The following FHIT variants were observed in gnomAD, a reference collection of about 807,000 sequenced individuals.
FHIT encodes bis(5'-adenosyl)-triphosphatase.
A neutral mutation model predicts 17.9 loss-of-function variants in FHIT; 19 were observed. The observed-to-expected ratio is 1.06, with a 90% CI of 0.74 to 1.56. The LOEUF (loss-of-function observed/expected upper bound fraction) is 1.56, where lower values mean the gene tolerates loss of function less well. FHIT is among the 40% of genes most tolerant of loss of function. FHIT has a pLI of 0.00. For missense variants in FHIT, 248 were observed against 189.2 expected, an observed-to-expected ratio of 1.31 and a Z score of -1.82; for synonymous variants, 81 against 69.7, an observed-to-expected ratio of 1.16 and a Z score of -0.81.
chr3:60,496,934 G>A (rs1181731889), intron 5 of FHIT, among the ~76,000 whole-genome samples: 1 of 151,676 alleles, frequency 6.6e-6, no homozygotes, highest in East Asian at 1.9e-4. Context: ...CCTTTTTAGG[G>A]ATACAGATGC....
At chr3:61,047,021 C>T (rs1366692213) in intron 2 of FHIT, among the ~76,000 whole-genome samples, 2 of 152,142 alleles carry the variant, frequency 1.3e-5, no homozygotes, top group African/African-American at 2.4e-5. Flanking sequence ...TTATGACAAA[C>T]CCACAGCCAA....
intron 4 of FHIT, among the ~76,000 whole-genome samples, chr3:60,759,848 T>C (rs2108050403): frequency 6.6e-6 from 1 of 152,310 alleles, no homozygotes; most frequent in South Asian, 2.1e-4. Flanking sequence ...TCTGATGTTC[T>C]TTGCTGTAAA....
chr3:60,216,775 T>C (rs1290069229), intron 5 of FHIT, among the ~76,000 whole-genome samples: 1 of 152,250 alleles, frequency 6.6e-6, no homozygotes, highest in East Asian at 1.9e-4. Context: ...TTTCCAGACA[T>C]GTTCCAGTGT....
chr3:60,655,860 T>G (rs376227153), intron 4 of FHIT, among the ~76,000 whole-genome samples: 1 of 152,244 alleles, frequency 6.6e-6, no homozygotes, highest in Admixed American at 6.5e-5. Context: ...TTTCCCAGAA[T>G]GTATTTTGGA....
At chr3:61,230,885 C>A (rs545324265) in intron 1 of FHIT, among the ~76,000 whole-genome samples, 2 of 152,220 alleles carry the variant, frequency 1.3e-5, no homozygotes, top group East Asian at 3.9e-4. Flanking sequence ...TTGATTCCTA[C>A]ACTAATATTC....
chr3:60,279,111 A>T (rs1707305923), intron 5 of FHIT, among the ~76,000 whole-genome samples: 1 of 152,148 alleles, frequency 6.6e-6, no homozygotes, highest in Non-Finnish European at 1.5e-5. Context: ...AATTATTTTC[A>T]AAAGATCAAT....
intron 8 of FHIT, among the ~76,000 whole-genome samples, chr3:59,921,473 T>G (rs368785864): frequency 1.3e-5 from 2 of 152,216 alleles, no homozygotes; most frequent in Admixed American, 6.5e-5. Flanking sequence ...ATATGATACC[T>G]ACCTCCTATC....
chr3:60,510,224 G>C (rs1047256140), intron 5 of FHIT, among the ~76,000 whole-genome samples: 1 of 152,176 alleles, frequency 6.6e-6, no homozygotes, highest in African/African-American at 2.4e-5. Context: ...AACTAGAACA[G>C]CACTGAAAAC....
intron 5 of FHIT, among the ~76,000 whole-genome samples, chr3:60,322,485 G>A (rs1237235152): frequency 6.6e-6 from 1 of 152,072 alleles, no homozygotes; most frequent in East Asian, 1.9e-4. Context: ...TAATCCTTTT[G>A]CTTTATTAAC....
chr3:60,215,517 C>T (rs573367926), intron 5 of FHIT, among the ~76,000 whole-genome samples: 11 of 151,990 alleles, frequency 7.2e-5, no homozygotes, highest in Admixed American at 6.6e-4. Context: ...GAGCCAAGAT[C>T]GCGCCACTGC....
chr3:60,547,476 T>C (rs183031211), intron 4 of FHIT, among the ~76,000 whole-genome samples: 5 of 152,340 alleles, frequency 3.3e-5, no homozygotes, highest in African/African-American at 1.2e-4. Flanking sequence ...CTCACATTTC[T>C]AGCCGATTAC....
rs958394144 is a variant in FHIT, at chr3:60,139,290, T to G, written c.104-125138A>C. Among the ~76,000 whole-genome samples, 7 of 152,178 alleles carry G rather than the reference T, an allele frequency of 4.6e-5. No individual in the cohort carries two copies. In the East Asian group the frequency reaches 1.3e-3, roughly 29 times the overall value. On this transcript the variant is annotated intron_variant, in intron 5 of 9. Coordinates refer to ENST00000492590, the MANE Select transcript of FHIT (RefSeq NM_002012.4). ...TCAGATTTGCCATCCCATAGCTGAT[T>G]CCTAATTAAAGGGAGTGAGAACCAA...
At chr3:61,202,455 C>A (rs1316422754) in intron 1 of FHIT, among the ~76,000 whole-genome samples, 1 of 119,806 alleles carries the variant, frequency 8.3e-6, no homozygotes, top group Non-Finnish European at 1.8e-5. Flanking sequence ...TGTGTGTGAT[C>A]TTTTCTGTTC....
At chr3:60,302,259 C>A (rs1481398392) in intron 5 of FHIT, among the ~76,000 whole-genome samples, 2 of 152,020 alleles carry the variant, frequency 1.3e-5, no homozygotes, top group Admixed American at 6.6e-5. Context: ...GCAAGAAATG[C>A]AGCTTCTGAC....
chr3:60,059,781 C>A (rs187391837), intron 5 of FHIT, among the ~76,000 whole-genome samples: 10 of 152,160 alleles, frequency 6.6e-5, no homozygotes, highest in African/African-American at 2.2e-4. Flanking sequence ...GAGCTCCCCC[C>A]ATTCTTGTTG....
intron 8 of FHIT, among the ~76,000 whole-genome samples, chr3:59,764,909 C>T (rs1330608064): frequency 5.4e-5 from 3 of 56,024 alleles, no homozygotes; most frequent in African/African-American, 9.7e-5. Context: ...CACACACACA[C>T]ACACACACAC....
intron 3 of FHIT, among the ~76,000 whole-genome samples, chr3:60,883,211 T>A (rs1385493058): frequency 2.0e-5 from 3 of 151,962 alleles, no homozygotes; most frequent in African/African-American, 7.2e-5. Flanking sequence ...ATAAAAGAAA[T>A]TGAAGATCTG....
intron 5 of FHIT, among the ~76,000 whole-genome samples, chr3:60,429,287 T>C (rs1243682936): frequency 6.6e-6 from 1 of 151,952 alleles, no homozygotes; most frequent in Non-Finnish European, 1.5e-5. Context: ...TTATCAATAG[T>C]AATGAAATAA....
intron 3 of FHIT, among the ~76,000 whole-genome samples, chr3:60,834,466 G>A (rs1164279542): frequency 3.3e-5 from 5 of 151,492 alleles, no homozygotes; most frequent in African/African-American, 1.2e-4. Flanking sequence ...TTACTGTTGA[G>A]TTTGAAAATT....
Sources: gnomAD v4.1 joint callset for allele counts (sites outside exome capture counted in the v4.1 genomes callset) on GRCh38, gnomAD v4.1.1 for gene constraint, MANE v1.5 for transcripts, NCBI Gene and HGNC (gene_info 2026-07-23, HGNC 2026-07-21) for gene names.